Variants in DLG2 observed in about 807,000 individuals in gnomAD.
DLG2 encodes the protein discs large MAGUK scaffold protein 2.
A neutral mutation model predicts 132.5 loss-of-function variants in DLG2; 45 were observed. The observed-to-expected ratio is 0.34, with a 90% CI of 0.27 to 0.44. The LOEUF (loss-of-function observed/expected upper bound fraction) is 0.44. DLG2 is among the 20% of genes least tolerant of loss of function. The probability of loss-of-function intolerance (pLI) is 1.00; values close to 1 mark genes in which losing one functional copy is unlikely to be tolerated. For synonymous variants in DLG2, 424 were observed against 419.6 expected (o/e 1.01, Z -0.13); for missense variants, 1,045 against 1,196.9 (o/e 0.87, Z 1.87).
At chr11:84,289,908 C>T (rs1306146070) in intron 7 of DLG2, among the ~76,000 whole-genome samples, 1 of 152,050 alleles carries the variant, frequency 6.6e-6, no homozygotes, top group Non-Finnish European at 1.5e-5. Context: ...GATGGTCAGG[C>T]CCCTCAAAGT....
At chr11:83,605,928 C>T (rs2059271554) in intron 19 of DLG2, among the ~76,000 whole-genome samples, 1 of 152,200 alleles carries the variant, frequency 6.6e-6, no homozygotes, top group South Asian at 2.1e-4. Flanking sequence ...GCATTTACCG[C>T]TCTAAACTGT....
At chr11:84,688,100 T>G (rs556199978) in intron 6 of DLG2, among the ~76,000 whole-genome samples, 1 of 152,144 alleles carries the variant, frequency 6.6e-6, no homozygotes, top group Admixed American at 6.5e-5. Context: ...CTTAGCTAAA[T>G]AGAGACATCA....
In DLG2 at chr11:83,459,584, G is replaced by C. The variant is rs2089505392; in HGVS notation, c.*234C>G. 2.6e-6 allele frequency: 1 copy of C among 377,608 alleles called. No homozygotes were observed. The highest frequency in any genetic ancestry group is 3.9e-5 in the Admixed American group (1 of 25,486). The allele number at this position is 377,608 out of a possible 1,614,324, so 23.4% of individuals were successfully genotyped here. Reference sequence around the variant, plus strand: ...CGTCAGAGGTTCATCCCTACACCTGGCACTTTGAGCAAACCAAAGCCTTCC... The same window carrying C: ...CGTCAGAGGTTCATCCCTACACCTGCCACTTTGAGCAAACCAAAGCCTTCC... On this transcript the variant is annotated 3_prime_UTR_variant, in exon 28 of 28. Transcript: ENST00000376104.
intron 3 of DLG2, among the ~76,000 whole-genome samples, chr11:85,326,390 C>A (rs1434744225): frequency 1.6e-5 from 2 of 121,802 alleles, no homozygotes; most frequent in Non-Finnish European, 1.7e-5. Flanking sequence ...GGGTTACCCT[C>A]AAAGGAAAGC....
intron 4 of DLG2, among the ~76,000 whole-genome samples, chr11:85,200,838 T>A (rs955210931): frequency 1.3e-5 from 2 of 151,694 alleles, no homozygotes; most frequent in Non-Finnish European, 2.9e-5. Flanking sequence ...AACTATCCTG[T>A]TTGTGCATAT....
chr11:85,439,188 G>A (rs1438329702), intron 3 of DLG2, among the ~76,000 whole-genome samples: 3 of 151,988 alleles, frequency 2.0e-5, no homozygotes, highest in South Asian at 4.1e-4. Flanking sequence ...TGCATGTTTC[G>A]TTTTATAAGA....
At chr11:83,956,148 G>T (rs1434892627) in intron 14 of DLG2, among the ~76,000 whole-genome samples, 2 of 152,078 alleles carry the variant, frequency 1.3e-5, no homozygotes, top group African/African-American at 4.8e-5. Flanking sequence ...TCCCCTCCCT[G>T]CTGAGAGACG....
chr11:84,977,442 T>C (rs1339069397), intron 6 of DLG2, among the ~76,000 whole-genome samples: 6 of 152,314 alleles, frequency 3.9e-5, no homozygotes, highest in South Asian at 4.1e-4. Context: ...CTGTAGGCTC[T>C]TGTTGTGAGA....
At chr11:85,447,763 T>A (rs1220453970) in intron 3 of DLG2, among the ~76,000 whole-genome samples, 4 of 152,138 alleles carry the variant, frequency 2.6e-5, no homozygotes, top group African/African-American at 9.7e-5. Context: ...AAAAAAATTA[T>A]GAAAAGGTCA....
At chr11:85,567,135 A>C (rs557427941) in intron 3 of DLG2, among the ~76,000 whole-genome samples, 3 of 152,170 alleles carry the variant, frequency 2.0e-5, no homozygotes, top group African/African-American at 7.2e-5. Context: ...TTTCTTTTCA[A>C]GATTGTATTA....
At chr11:83,486,852 G>A (rs1410808573) in intron 21 of DLG2, among the ~76,000 whole-genome samples, 1 of 152,006 alleles carries the variant, frequency 6.6e-6, no homozygotes, top group Non-Finnish European at 1.5e-5. Context: ...AAAGTCACAT[G>A]TTTAGGATCT....
chr11:85,169,627 T>A (rs1485115862), intron 4 of DLG2, among the ~76,000 whole-genome samples: 1 of 152,178 alleles, frequency 6.6e-6, no homozygotes, highest in African/African-American at 2.4e-5. Context: ...GGAAACTGAA[T>A]GGGACCTTAA....
At chr11:84,559,690 C>A (rs2099419538) in intron 6 of DLG2, among the ~76,000 whole-genome samples, 2 of 152,110 alleles carry the variant, frequency 1.3e-5, no homozygotes, top group Admixed American at 1.3e-4. Context: ...CCATATGCTG[C>A]ACTATAATCT....
intron 7 of DLG2, among the ~76,000 whole-genome samples, chr11:84,313,643 A>AAGAAAGAAAGAG (rs2098321937): frequency 1.1e-5 from 1 of 87,834 alleles, no homozygotes; most frequent in African/African-American, 3.8e-5. Context: ...AAGAGAGAAA[A>AAGAAAGAAAGAG]AGAAAGAAAG....
At chr11:84,019,383 C>T (rs2095321350) in intron 11 of DLG2, among the ~76,000 whole-genome samples, 2 of 151,790 alleles carry the variant, frequency 1.3e-5, no homozygotes, top group African/African-American at 2.4e-5. Flanking sequence ...CAAAATAGGC[C>T]CCAAGAATGA....
intron 5 of DLG2, among the ~76,000 whole-genome samples, chr11:85,153,166 G>T (rs2152457121): frequency 1.3e-5 from 2 of 152,174 alleles, no homozygotes; most frequent in Middle Eastern, 6.8e-3. Context: ...CATTTAATGT[G>T]CCTGAGGTCA....
chr11:84,311,948 C>T (rs776341639), intron 7 of DLG2, among the ~76,000 whole-genome samples: 7 of 152,130 alleles, frequency 4.6e-5, no homozygotes, highest in Non-Finnish European at 7.4e-5. Context: ...AATTTAATTC[C>T]GTCAAAGTAT....
At chr11:84,994,513 C>T (rs1032365517) in intron 6 of DLG2, among the ~76,000 whole-genome samples, 3 of 152,112 alleles carry the variant, frequency 2.0e-5, no homozygotes, top group African/African-American at 4.8e-5. Context: ...GGACTACCAC[C>T]GTCACCACCA....
intron 18 of DLG2, among the ~76,000 whole-genome samples, chr11:83,705,424 G>A (rs1455640479): frequency 4.0e-5 from 6 of 151,800 alleles, no homozygotes; most frequent in Non-Finnish European, 7.4e-5. Context: ...TTACTTTTGC[G>A]ATTACTTTAC....
Sources: gnomAD v4.1 joint callset for allele counts (sites outside exome capture counted in the v4.1 genomes callset) on GRCh38, gnomAD v4.1.1 for gene constraint, MANE v1.5 for transcripts, NCBI Gene and HGNC (gene_info 2026-07-23, HGNC 2026-07-21) for gene names.